The following CACNA2D3 variants were observed in gnomAD, a reference collection of about 807,000 sequenced individuals.
CACNA2D3 encodes the protein calcium voltage-gated channel auxiliary subunit alpha2delta 3, also known as voltage-dependent calcium channel subunit alpha-2/delta-3.
In CACNA2D3, 60 loss-of-function variants were observed where a neutral mutation model predicts 160.6. That is an observed-to-expected ratio of 0.37 (90% CI 0.30 to 0.46). The LOEUF is 0.46. Ranked by LOEUF, CACNA2D3 falls within the 20% of genes least tolerant of loss-of-function variation. CACNA2D3 has a pLI of 1.00. For synonymous variants in CACNA2D3, 558 were observed against 492.9 expected, an observed-to-expected ratio of 1.13 and a Z score of -1.75; for missense variants, 1,205 against 1,365.0, an observed-to-expected ratio of 0.88 and a Z score of 1.85.
intron 3 of CACNA2D3, among the ~76,000 whole-genome samples, chr3:54,361,115 G>A (rs1258890807): frequency 2.0e-5 from 3 of 152,000 alleles, no homozygotes; most frequent in Non-Finnish European, 4.4e-5. Flanking sequence ...TTTCTTAGCT[G>A]TGAAACATGC....
intron 2 of CACNA2D3, among the ~76,000 whole-genome samples, chr3:54,204,258 A>G (rs1218104163): frequency 6.6e-6 from 1 of 152,136 alleles, no homozygotes; most frequent in African/African-American, 2.4e-5. Flanking sequence ...CCAATTCCTC[A>G]TAATAAATCT....
At chr3:54,273,762 G>C (rs567304882) in intron 2 of CACNA2D3, among the ~76,000 whole-genome samples, 1 of 152,184 alleles carries the variant, frequency 6.6e-6, no homozygotes, top group African/African-American at 2.4e-5. Context: ...CCTGTACTCA[G>C]TCCAGGTCAG....
intron 4 of CACNA2D3, among the ~76,000 whole-genome samples, chr3:54,388,530 G>A (rs927028591): frequency 2.6e-5 from 4 of 152,210 alleles, no homozygotes; most frequent in Non-Finnish European, 5.9e-5. Context: ...AGAGGGGAAT[G>A]AGGAGAAGCT....
intron 4 of CACNA2D3, among the ~76,000 whole-genome samples, chr3:54,451,444 C>G (rs185792752): frequency 6.6e-6 from 1 of 151,848 alleles, no homozygotes; most frequent in Admixed American, 6.6e-5. Flanking sequence ...CCTTGTTAGT[C>G]TTCTACAAAT....
intron 14 of CACNA2D3, 135 bp from the exon 15 acceptor site, chr3:54,837,024 C>A: frequency 1.4e-6 from 1 of 730,372 alleles, no homozygotes; most frequent in Non-Finnish European, 2.4e-6. Flanking sequence ...CTCCGCGCTC[C>A]ACTAAAGGCT....
chr3:54,746,045 A>G lies in CACNA2D3; in HGVS notation c.1168-6554A>G, dbSNP rs996980952. Among the ~76,000 whole-genome samples the G allele has an allele frequency of 7.9e-5, 12 of 152,206 alleles. 1 individual carries two copies. The highest frequency in any genetic ancestry group is 3.4e-3 in the Middle Eastern group (1 of 294). On this transcript the variant is annotated intron_variant, in intron 11 of 37. Transcript: ENST00000474759. ...GCCTTTCTCTTCCTTCTGGATAAGG[A>G]TGTTTCTTCTTTTATTATGAGCGTG...
intron 27 of CACNA2D3, among the ~76,000 whole-genome samples, chr3:54,928,630 A>G (rs929182162): frequency 6.6e-6 from 1 of 152,174 alleles, no homozygotes; most frequent in Admixed American, 6.5e-5. Context: ...TTTAGTGGAC[A>G]TCACAACCTT....
intron 10 of CACNA2D3, among the ~76,000 whole-genome samples, chr3:54,637,025 G>A (rs1699389311): frequency 1.3e-5 from 2 of 151,864 alleles, no homozygotes; most frequent in Non-Finnish European, 2.9e-5. Flanking sequence ...GGATAGGAGA[G>A]TATACGGGTT....
chr3:54,719,846 A>C (rs72872262), intron 11 of CACNA2D3, among the ~76,000 whole-genome samples: 2,629 of 152,106 alleles, frequency 0.017, 83 homozygotes, highest in African/African-American at 0.061. Context: ...TCTGACTTTA[A>C]CATTTCATCT....
At chr3:54,774,822 G>GA (rs1702395699) in intron 13 of CACNA2D3, among the ~76,000 whole-genome samples, 1 of 151,640 alleles carries the variant, frequency 6.6e-6, no homozygotes, top group African/African-American at 2.4e-5. Flanking sequence ...TTTTAGTAGA[G>GA]ACAGGGTTTC....
chr3:54,460,370 T>G (rs577214726), intron 4 of CACNA2D3, among the ~76,000 whole-genome samples: 1 of 152,190 alleles, frequency 6.6e-6, no homozygotes, highest in Non-Finnish European at 1.5e-5. Context: ...TTGGGCAGTA[T>G]GGCCATTTTC....
At chr3:54,151,996 C>A (rs574095936) in intron 2 of CACNA2D3, among the ~76,000 whole-genome samples, 1 of 152,226 alleles carries the variant, frequency 6.6e-6, no homozygotes, top group South Asian at 2.1e-4. Flanking sequence ...TTCTATGAAG[C>A]CTTTGCTAAG....
At chr3:54,425,279 C>T (rs148635775) in intron 4 of CACNA2D3, among the ~76,000 whole-genome samples, 34 of 152,266 alleles carry the variant, frequency 2.2e-4, no homozygotes, top group Non-Finnish European at 2.1e-4. Context: ...TGCAGTGAGC[C>T]GAGATCGTGC....
At chr3:54,534,399 C>T (rs1394470840) in intron 5 of CACNA2D3, among the ~76,000 whole-genome samples, 1 of 152,116 alleles carries the variant, frequency 6.6e-6, no homozygotes, top group African/African-American at 2.4e-5. Flanking sequence ...AGCTTCCCTG[C>T]CCTCCTGCCT....
At chr3:54,704,832 C>T (rs909556032) in intron 11 of CACNA2D3, among the ~76,000 whole-genome samples, 5 of 152,134 alleles carry the variant, frequency 3.3e-5, no homozygotes, top group African/African-American at 1.2e-4. Flanking sequence ...TCCACCCCTA[C>T]CTCCCTCCTA....
At chr3:54,766,835 A>C (rs1206552194) in intron 13 of CACNA2D3, among the ~76,000 whole-genome samples, 2 of 152,138 alleles carry the variant, frequency 1.3e-5, no homozygotes, top group Non-Finnish European at 2.9e-5. Flanking sequence ...GCAAAATCAC[A>C]TATAGCATAC....
intron 9 of CACNA2D3, among the ~76,000 whole-genome samples, chr3:54,594,005 G>A (rs758468435): frequency 9.9e-5 from 15 of 152,002 alleles, no homozygotes; most frequent in Non-Finnish European, 1.9e-4. Flanking sequence ...AAATGCATTT[G>A]TTTGAAAATA....
intron 13 of CACNA2D3, among the ~76,000 whole-genome samples, chr3:54,794,052 G>C (rs1380434554): frequency 6.6e-6 from 1 of 152,048 alleles, no homozygotes; most frequent in Non-Finnish European, 1.5e-5. Context: ...ATGTCTTCAA[G>C]ATCTATGGTG....
chr3:54,898,926 A>C (rs528319807), intron 26 of CACNA2D3, among the ~76,000 whole-genome samples: 4 of 152,216 alleles, frequency 2.6e-5, no homozygotes. Flanking sequence ...TTTCTCTGCT[A>C]TGTGTTGAAT....
Sources: gnomAD v4.1 joint callset for allele counts (sites outside exome capture counted in the v4.1 genomes callset) on GRCh38, gnomAD v4.1.1 for gene constraint, MANE v1.5 for transcripts, NCBI Gene and HGNC (gene_info 2026-07-23, HGNC 2026-07-21) for gene names.